The following AFAP1L2 variants were observed in gnomAD, a reference collection of about 807,000 sequenced individuals.
The protein encoded by AFAP1L2 is actin filament-associated protein 1-like 2.
AFAP1L2 carries 46 observed loss-of-function variants against 99.3 expected under a neutral mutation model. That is an observed-to-expected ratio of 0.46 (90% confidence interval 0.37 to 0.59). The LOEUF (loss-of-function observed/expected upper bound fraction) is 0.59, where lower values mean the gene tolerates loss of function less well. AFAP1L2 is among the 20% of genes least tolerant of loss of function. The pLI, the probability that AFAP1L2 is intolerant of heterozygous loss-of-function variation, is 0.00. For missense variants in AFAP1L2, 959 were observed against 1,034.9 expected (o/e 0.93, Z 1.01); for synonymous variants, 397 against 419.1 (o/e 0.95, Z 0.64).
intron 1 of AFAP1L2, among the ~76,000 whole-genome samples, chr10:114,399,861 C>T (rs1432481794): frequency 6.6e-6 from 1 of 152,240 alleles, no homozygotes; most frequent in East Asian, 1.9e-4. Flanking sequence ...GACACATCCT[C>T]TCTCCAAAGA....
At chr10:114,310,128 T>C (rs1564823628) in intron 8 of AFAP1L2, among the ~76,000 whole-genome samples, 1 of 152,186 alleles carries the variant, frequency 6.6e-6, no homozygotes, top group African/African-American at 2.4e-5. Flanking sequence ...GGTTTCACCA[T>C]GTTGGCCAGG....
intron 1 of AFAP1L2, among the ~76,000 whole-genome samples, chr10:114,385,244 C>T (rs1041439125): frequency 3.9e-5 from 6 of 152,092 alleles, no homozygotes; most frequent in Non-Finnish European, 5.9e-5. Context: ...AGAGAAGCCC[C>T]GTTTTAGGAG....
chr10:114,378,362 T>G (rs2055088007), intron 1 of AFAP1L2, among the ~76,000 whole-genome samples: 1 of 152,192 alleles, frequency 6.6e-6, no homozygotes, highest in Admixed American at 6.5e-5. Flanking sequence ...CACTTGTAAT[T>G]GCTTGGGTGG....
Position 114,300,564 on chromosome 10 carries a change from C to T in AFAP1L2, c.1669G>A (p.Ala557Thr). The T allele has an allele frequency of 6.2e-7, 1 of 1,614,168 alleles. No homozygotes were observed. Among genetic ancestry groups the T allele is most frequent in the Non-Finnish European group, 8.5e-7 (1 of 1,180,028 alleles). ...AGGCAGGACAACGTCGGGGAGGAGG[C>T]CTGGGCCTGTGCACTGCTGGGGCCA... is the stretch of plus-strand genomic sequence containing the variant. ...LHGPSSAQAQ[A>T]SSPTLSCLDN... Residue 557 changes from alanine (A) to threonine (T), a missense_variant, in exon 14 of 19, where the codon GCC (alanine) becomes ACC (threonine). By Grantham distance (58) the Ala-to-Thr change is moderately conservative (BLOSUM62 0). Transcript: ENST00000304129.
intron 10 of AFAP1L2, 74 bp from the exon 11 acceptor site, chr10:114,305,004 TTC>T: frequency 1.0e-6 from 1 of 979,396 alleles, no homozygotes; most frequent in South Asian, 1.6e-5. Flanking sequence ...GGGGCGGGGC[TTC>T]GGGAGGGCAC....
intron 1 of AFAP1L2, among the ~76,000 whole-genome samples, chr10:114,383,468 C>T (rs546955834): frequency 2.0e-5 from 3 of 152,160 alleles, no homozygotes; most frequent in Admixed American, 2.0e-4. Context: ...GTAACACATC[C>T]CTGATAGATA....
intron 1 of AFAP1L2, among the ~76,000 whole-genome samples, chr10:114,354,187 A>C (rs1453014326): frequency 6.6e-6 from 1 of 152,202 alleles, no homozygotes; most frequent in Non-Finnish European, 1.5e-5. Flanking sequence ...CCACAAGAAA[A>C]GGGTCTGCCT....
chr10:114,282,079 G>A, the AFAP1L2 span, among the ~76,000 whole-genome samples: 2 of 147,376 alleles, frequency 1.4e-5, no homozygotes, highest in Admixed American at 6.9e-5. Flanking sequence ...GTGCAATCTC[G>A]GCTCACCGCA....
chr10:114,325,966 C>G (rs1198741034), intron 4 of AFAP1L2: 2 of 1,289,238 alleles, frequency 1.6e-6, no homozygotes, highest in African/African-American at 3.0e-5. Flanking sequence ...CTCCAAGAAA[C>G]TCCGTTCCCG....
intron 1 of AFAP1L2, among the ~76,000 whole-genome samples, chr10:114,382,544 T>C (rs912222613): frequency 6.0e-5 from 9 of 151,184 alleles, no homozygotes; most frequent in Non-Finnish European, 1.3e-4. Context: ...TAATGTTTGA[T>C]AGCACTCTAT....
the AFAP1L2 span, chr10:114,286,198 C>A: frequency 3.2e-5 from 52 of 1,613,902 alleles, no homozygotes; most frequent in Non-Finnish European, 8.5e-7. Flanking sequence ...GTGGTGGCCC[C>A]ACCCTGACGG....
chr10:114,398,878 G>A, intron 1 of AFAP1L2: 2 of 1,304,290 alleles, frequency 1.5e-6, no homozygotes, highest in Non-Finnish European at 2.0e-6. Context: ...ATCCTTCTCT[G>A]TACCACCAGA....
chr10:114,333,965 G>A (rs2047573000), intron 2 of AFAP1L2, among the ~76,000 whole-genome samples: 2 of 152,132 alleles, frequency 1.3e-5, no homozygotes, highest in South Asian at 2.1e-4. Context: ...TGAATGGGCT[G>A]ATCCAGTGTG....
Position 114,389,918 on chromosome 10 carries a change from T to C in AFAP1L2, c.16+14522A>G, listed in dbSNP as rs532051192. The stretch of plus-strand genomic sequence containing the variant: ...CAGCACATGGCTTGAGCTTCTGGTA[T>C]TGTTCTCACTATGTCAAATTCTGCT... On this transcript the variant is annotated intron_variant, in intron 1 of 18. Coordinates refer to ENST00000304129, the MANE Select transcript of AFAP1L2 (RefSeq NM_001001936.3). Among the ~76,000 whole-genome samples the C allele has an allele frequency of 9.2e-5, 14 of 152,336 alleles. No homozygotes were observed. In the South Asian group the frequency reaches 2.1e-3, roughly 23 times the overall value.
At chr10:114,331,216 T>C (rs2047184213) in intron 4 of AFAP1L2, among the ~76,000 whole-genome samples, 1 of 152,170 alleles carries the variant, frequency 6.6e-6, no homozygotes, top group Admixed American at 6.5e-5. Context: ...CAGTGTGATA[T>C]GTTTTATGAA....
At chr10:114,282,901 C>A in the AFAP1L2 span, among the ~76,000 whole-genome samples, 1 of 152,236 alleles carries the variant, frequency 6.6e-6, no homozygotes, top group East Asian at 1.9e-4. Context: ...GAGTGATTTC[C>A]TCCTCTATAA....
At chr10:114,312,033 G>T (rs1323172748) in intron 7 of AFAP1L2, among the ~76,000 whole-genome samples, 1 of 152,160 alleles carries the variant, frequency 6.6e-6, no homozygotes, top group Admixed American at 6.5e-5. Context: ...TGGGGGGAAG[G>T]GTCTCTCTGT....
chr10:114,320,448 C>G (rs1309874747), intron 5 of AFAP1L2, among the ~76,000 whole-genome samples: 1 of 152,252 alleles, frequency 6.6e-6, no homozygotes, highest in Non-Finnish European at 1.5e-5. Flanking sequence ...CCAGGCAGGA[C>G]CTGAGGTCAG....
At chr10:114,383,824 A>G (rs2056072215) in intron 1 of AFAP1L2, among the ~76,000 whole-genome samples, 2 of 152,214 alleles carry the variant, frequency 1.3e-5, no homozygotes, top group African/African-American at 4.8e-5. Flanking sequence ...GGGAAATGGA[A>G]GCAGAGCTTG....
Sources: allele counts gnomAD v4.1 joint callset (sites outside exome capture counted in the v4.1 genomes callset), GRCh38; gene constraint gnomAD v4.1.1; transcripts MANE v1.5; gene names NCBI Gene and HGNC (gene_info 2026-07-23, HGNC 2026-07-21).